Variants in CNOT6 observed in about 807,000 individuals in gnomAD.
CNOT6 encodes the protein carbon catabolite repression 4 protein.
A neutral mutation model predicts 61.2 loss-of-function variants in CNOT6; 12 were observed. That is an observed-to-expected ratio of 0.20 (90% confidence interval 0.13 to 0.32). The LOEUF is 0.32. Ranked by LOEUF, CNOT6 falls within the 10% of genes least tolerant of loss-of-function variation. The probability of loss-of-function intolerance (pLI) is 1.00; values close to 1 mark genes in which losing one functional copy is unlikely to be tolerated. For missense variants in CNOT6, 405 were observed against 663.9 expected, an observed-to-expected ratio of 0.61 and a Z score of 4.28; for synonymous variants, 225 against 240.6, an observed-to-expected ratio of 0.94 and a Z score of 0.60.
chr5:180,500,189 T>C (rs187909733), intron 1 of CNOT6, among the ~76,000 whole-genome samples: 2 of 151,972 alleles, frequency 1.3e-5, no homozygotes, highest in East Asian at 3.9e-4. Flanking sequence ...GCTGGAGTGA[T>C]GATGACTTGC....
chr5:180,561,356 T>TGTGTGTG (rs1760173264), intron 4 of CNOT6, among the ~76,000 whole-genome samples: 1 of 144,844 alleles, frequency 6.9e-6, no homozygotes, highest in East Asian at 2.1e-4. Flanking sequence ...CTTGTGTGTT[T>TGTGTGTG]TGTGTGTGTG....
At chr5:180,521,939 G>A (rs1757895612) in intron 1 of CNOT6, among the ~76,000 whole-genome samples, 1 of 152,174 alleles carries the variant, frequency 6.6e-6, no homozygotes, top group African/African-American at 2.4e-5. Flanking sequence ...CCAGCCTACT[G>A]TTGATGGCAG....
chr5:180,510,238 C>T (rs558012939), intron 1 of CNOT6, among the ~76,000 whole-genome samples: 1 of 138,474 alleles, frequency 7.2e-6, no homozygotes, highest in African/African-American at 2.7e-5. Context: ...AATGATAGCA[C>T]GCTATAGCCT....
At chr5:180,496,898 T>C (rs762277762) in intron 1 of CNOT6, among the ~76,000 whole-genome samples, 4 of 152,246 alleles carry the variant, frequency 2.6e-5, no homozygotes, top group Non-Finnish European at 5.9e-5. Context: ...TTAAATGTTG[T>C]TGGCAAAGTA....
chr5:180,550,098 G>A lies in CNOT6; in HGVS notation c.280G>A (p.Gly94Arg). 1.2e-6 allele frequency: 2 copies of A among 1,613,734 alleles called. No homozygotes were observed. The highest frequency in any genetic ancestry group is 1.7e-6 in the Non-Finnish European group (2 of 1,179,778). Residue 94 changes from glycine to arginine, a missense_variant, in exon 3 of 12, where the codon GGA becomes AGA. Physicochemically the swap from Gly to Arg is moderately radical, Grantham distance 125. Around this residue, in one of 5 missense-constraint regions of CNOT6, gnomAD observed 212 missense variants for 307.1 expected, o/e 0.69. Coordinates refer to ENST00000261951, the MANE Select transcript of CNOT6 (RefSeq NM_001370472.1). ...NKIRSLPAEL[G>R]NMVSLRELHL... ...AATTCGTAGCTTACCCGCAGAACTC[G>A]GAAACATGGTATCACTCAGGTATGC...
intron 1 of CNOT6, 134 bp from the exon 2 acceptor site, chr5:180,529,141 T>TGA (rs1758230562): frequency 3.2e-6 from 2 of 631,100 alleles, no homozygotes; most frequent in East Asian, 5.5e-5. Context: ...GAGGTTGGAG[T>TGA]GAGCCAAAAT....
chr5:180,566,806 C>T (rs1047666783), intron 7 of CNOT6, among the ~76,000 whole-genome samples: 1 of 151,754 alleles, frequency 6.6e-6, no homozygotes, highest in Non-Finnish European at 1.5e-5. Context: ...GCATGCACCA[C>T]CATGCCTGGC....
chr5:180,517,147 T>C (rs773173293), intron 1 of CNOT6, among the ~76,000 whole-genome samples: 3 of 152,236 alleles, frequency 2.0e-5, no homozygotes, highest in Non-Finnish European at 4.4e-5. Flanking sequence ...TATAATCCTT[T>C]TTGTTTTTTC....
chr5:180,536,482 G>A (rs1758706737), intron 2 of CNOT6, among the ~76,000 whole-genome samples: 1 of 152,010 alleles, frequency 6.6e-6, no homozygotes, highest in Non-Finnish European at 1.5e-5. Context: ...TTTGAGATAA[G>A]ATATCATTGT....
chr5:180,553,569 C>T (rs1017391670), intron 4 of CNOT6, 98 bp downstream of exon 4: 9 of 814,450 alleles, frequency 1.1e-5, no homozygotes, highest in Middle Eastern at 2.3e-4. Context: ...TTTAAAGACT[C>T]ATTTTCCCCC....
At chr5:180,539,854 G>A (rs1347881251) in intron 2 of CNOT6, among the ~76,000 whole-genome samples, 1 of 152,000 alleles carries the variant, frequency 6.6e-6, no homozygotes, top group Non-Finnish European at 1.5e-5. Context: ...CTCCCAAAGT[G>A]CTGGGATTAC....
rs796918574 is a variant in CNOT6, at chr5:180,542,267, A to AT, written c.113-7649dup. On this transcript the variant is annotated intron_variant, in intron 2 of 11. Transcript: ENST00000261951. Reference sequence around the variant, plus strand: ...TCTGGGTTTCTGGTTTGGGCTACCAATTTTTTTTTTTTTTTGAGACAGGGT... The same window carrying AT: ...TCTGGGTTTCTGGTTTGGGCTACCAATTTTTTTTTTTTTTTTGAGACAGGGT... Among the ~76,000 whole-genome samples the AT allele has an allele frequency of 9.5e-3, 1,340 of 140,660 alleles. 10 individuals carry two copies. The highest frequency in any genetic ancestry group is 0.041 in the South Asian group (183 of 4,430). 92.3% of individuals were successfully genotyped at this position (140,660 alleles called of 152,430 possible). A position where few individuals can be genotyped will look rare whatever the true frequency, so the allele number is the denominator to read the frequency against.
At chr5:180,533,312 C>CTATATGTA (rs71591497) in intron 2 of CNOT6, among the ~76,000 whole-genome samples, 1 of 127,630 alleles carries the variant, frequency 7.8e-6, no homozygotes, top group African/African-American at 3.1e-5. Context: ...GGATGAAAAC[C>CTATATGTA]TATATATATA....
At chr5:180,549,812 C>G in intron 2 of CNOT6, 119 bp from the exon 3 acceptor site, 2 of 727,200 alleles carry the variant, frequency 2.8e-6, no homozygotes, top group African/African-American at 1.8e-5. Flanking sequence ...AACCCCTTCT[C>G]ACAAGTTTTT....
At chr5:180,537,300 G>A (rs1758748237) in intron 2 of CNOT6, among the ~76,000 whole-genome samples, 1 of 152,176 alleles carries the variant, frequency 6.6e-6, no homozygotes, top group African/African-American at 2.4e-5. Context: ...GGTGGTGTTA[G>A]TGTTTTGGAT....
rs186014678 is a variant in CNOT6, at chr5:180,509,194, C to T, written c.-3+14431C>T. On this transcript the variant is annotated intron_variant, in intron 1 of 11. Coordinates refer to ENST00000261951, the MANE Select transcript of CNOT6 (RefSeq NM_001370472.1). Reference sequence around the variant, plus strand: ...TCACCCAGACTGGAATGCAGTGGTGCGATCTTGGCTCACTGCAACCTCCGC... The same window carrying T: ...TCACCCAGACTGGAATGCAGTGGTGTGATCTTGGCTCACTGCAACCTCCGC... Among the ~76,000 whole-genome samples, 407 of 152,154 alleles carry T rather than the reference C, an allele frequency of 2.7e-3. 1 individual carries two copies. The highest frequency in any genetic ancestry group is 3.9e-3 in the Non-Finnish European group (266 of 68,012).
At chr5:180,495,156 T>TC (rs1756546931) in intron 1 of CNOT6, among the ~76,000 whole-genome samples, 1 of 152,190 alleles carries the variant, frequency 6.6e-6, no homozygotes, top group Admixed American at 6.5e-5. Context: ...GCGCGCTGTG[T>TC]GGAGTGTGGA....
chr5:180,540,567 C>G (rs1446049890), intron 2 of CNOT6, among the ~76,000 whole-genome samples: 1 of 152,090 alleles, frequency 6.6e-6, no homozygotes, highest in Non-Finnish European at 1.5e-5. Context: ...TAAAAATAGG[C>G]TTAGTGTTAG....
chr5:180,510,532 A>G (rs1757342135), intron 1 of CNOT6, among the ~76,000 whole-genome samples: 1 of 152,184 alleles, frequency 6.6e-6, no homozygotes, highest in Non-Finnish European at 1.5e-5. Flanking sequence ...TGTAGAATTC[A>G]AATCATACAC....
Sources: gnomAD v4.1 joint callset for allele counts (sites outside exome capture counted in the v4.1 genomes callset) on GRCh38, gnomAD v4.1.1 for gene constraint, gnomAD v4.1.1 regional missense constraint, MANE v1.5 for transcripts, NCBI Gene and HGNC (gene_info 2026-07-23, HGNC 2026-07-21) for gene names.